Variants in MAML3 observed in about 807,000 individuals in gnomAD.
MAML3 encodes mastermind like transcriptional coactivator 3.
A neutral mutation model predicts 101.9 loss-of-function variants in MAML3; 27 were observed. The ratio of observed to expected loss-of-function variants is 0.27; its 90% CI spans 0.20 to 0.37. The LOEUF is 0.37. Ranked by LOEUF, MAML3 falls within the 10% of genes least tolerant of loss-of-function variation. The pLI, the probability that MAML3 is intolerant of heterozygous loss-of-function variation, is 1.00. For synonymous variants in MAML3, 501 were observed against 555.9 expected (o/e 0.90, Z 1.39); for missense variants, 1,316 against 1,444.9 (o/e 0.91, Z 1.45).
At chr4:139,920,927 A>G (rs2111234123) in intron 1 of MAML3, among the ~76,000 whole-genome samples, 1 of 152,324 alleles carries the variant, frequency 6.6e-6, no homozygotes, top group East Asian at 1.9e-4. Flanking sequence ...AGGCCCTTGC[A>G]CACCACCTTC....
intron 1 of MAML3, among the ~76,000 whole-genome samples, chr4:140,123,377 A>G (rs1728639140): frequency 6.6e-6 from 1 of 152,220 alleles, no homozygotes; most frequent in Non-Finnish European, 1.5e-5. Context: ...CCCCAACTTC[A>G]TAGTACATGT....
intron 1 of MAML3, among the ~76,000 whole-genome samples, chr4:140,130,341 A>AC (rs1175271765): frequency 6.6e-6 from 1 of 152,074 alleles, no homozygotes; most frequent in Non-Finnish European, 1.5e-5. Context: ...CCATTTTCTC[A>AC]CCCCCATAAT....
At chr4:139,840,012 A>G (rs1335107197) in intron 2 of MAML3, among the ~76,000 whole-genome samples, 1 of 152,184 alleles carries the variant, frequency 6.6e-6, no homozygotes, top group Non-Finnish European at 1.5e-5. Flanking sequence ...AGGGGTCAAA[A>G]GCCCCCCAAA....
chr4:140,149,772 T>C (rs1729124633), intron 1 of MAML3, among the ~76,000 whole-genome samples: 2 of 152,314 alleles, frequency 1.3e-5, no homozygotes, highest in Middle Eastern at 3.4e-3. Flanking sequence ...GGAGTACAAC[T>C]ATAATCCTGC....
At chr4:139,978,757 T>C (rs1356060237) in intron 1 of MAML3, among the ~76,000 whole-genome samples, 1 of 151,998 alleles carries the variant, frequency 6.6e-6, no homozygotes, top group Non-Finnish European at 1.5e-5. Flanking sequence ...TCTTGGTGTC[T>C]CTCTTTGGCC....
At chr4:139,765,713 T>A (rs534950172) in intron 2 of MAML3, among the ~76,000 whole-genome samples, 1 of 152,290 alleles carries the variant, frequency 6.6e-6, no homozygotes, top group South Asian at 2.1e-4. Flanking sequence ...ATTGGCCAGG[T>A]GTGGTGGCTC....
chr4:140,019,575 G>A (rs1208515843), intron 1 of MAML3, among the ~76,000 whole-genome samples: 3 of 152,128 alleles, frequency 2.0e-5, no homozygotes, highest in Admixed American at 6.5e-5. Flanking sequence ...TTATGAACAC[G>A]GCCAACAACA....
chr4:139,723,422 T>C (rs1178781348), intron 4 of MAML3, among the ~76,000 whole-genome samples: 1 of 152,220 alleles, frequency 6.6e-6, no homozygotes, highest in East Asian at 1.9e-4. Flanking sequence ...GCAATTCTCC[T>C]GCCCCAGCCT....
intron 2 of MAML3, among the ~76,000 whole-genome samples, chr4:139,826,587 A>G (rs1360999973): frequency 6.6e-6 from 1 of 152,172 alleles, no homozygotes; most frequent in Non-Finnish European, 1.5e-5. Context: ...ACATATTTCG[A>G]ATGCTCTTCC....
At chr4:139,772,032 G>A (rs1489727851) in intron 2 of MAML3, among the ~76,000 whole-genome samples, 1 of 151,352 alleles carries the variant, frequency 6.6e-6, no homozygotes, top group South Asian at 2.1e-4. Flanking sequence ...GAGGTCAGCA[G>A]ATCCAGACCA....
chr4:139,803,494 C>T (rs545239281), intron 2 of MAML3, among the ~76,000 whole-genome samples: 3 of 152,158 alleles, frequency 2.0e-5, no homozygotes, highest in African/African-American at 4.8e-5. Flanking sequence ...TGTCAGCAGG[C>T]GTTTGGGAGA....
chr4:140,040,442 C>T (rs1439840346), intron 1 of MAML3, among the ~76,000 whole-genome samples: 1 of 152,206 alleles, frequency 6.6e-6, no homozygotes, highest in East Asian at 1.9e-4. Flanking sequence ...ACAAGGGTCC[C>T]TCCCACCTGA....
chr4:139,966,939 C>T (rs1430376724), intron 1 of MAML3, among the ~76,000 whole-genome samples: 1 of 151,996 alleles, frequency 6.6e-6, no homozygotes, highest in Admixed American at 6.6e-5. Flanking sequence ...AAAAAAGAGA[C>T]ATGAAGAATA....
intron 1 of MAML3, among the ~76,000 whole-genome samples, chr4:139,925,555 A>G (rs1398621675): frequency 6.6e-6 from 1 of 152,140 alleles, no homozygotes; most frequent in African/African-American, 2.4e-5. Context: ...TTGATAAGAT[A>G]AAGTGGCCAA....
At chr4:139,853,929 C>T (rs921281074) in intron 2 of MAML3, among the ~76,000 whole-genome samples, 2 of 151,974 alleles carry the variant, frequency 1.3e-5, no homozygotes, top group South Asian at 4.1e-4. Flanking sequence ...TCAAGCGATT[C>T]TCTTGCCTCA....
At chr4:139,906,875 A>ATT (rs146366681) in intron 1 of MAML3, among the ~76,000 whole-genome samples, 40,033 of 149,376 alleles carry the variant, frequency 0.27, 6,500 homozygotes, top group East Asian at 0.57. Flanking sequence ...TTCAGAAGCA[A>ATT]TTTTTTTTTT....
At chr4:139,892,874 T>G (rs1322800832) in intron 1 of MAML3, among the ~76,000 whole-genome samples, 2 of 141,652 alleles carry the variant, frequency 1.4e-5, no homozygotes, top group East Asian at 4.1e-4. Flanking sequence ...GAGCTTGCAG[T>G]GAGCCGAGAT....
chr4:139,814,676 A>G lies in MAML3; in HGVS notation c.2079+74681T>C, dbSNP rs557128881. Among the ~76,000 whole-genome samples, 24 of 152,224 alleles carry G rather than the reference A, an allele frequency of 1.6e-4. No individual in the cohort carries two copies. The East Asian group carries it at 3.5e-3, about 22-fold the overall frequency. On this transcript the variant is annotated intron_variant, in intron 2 of 4. Transcript: ENST00000509479. ...GAAAGGTGGGTAACACCCTCCCCCCACCACCAAGACTTGGTAGGCAATGCT... is the reference window on the plus strand; with the variant it reads ...GAAAGGTGGGTAACACCCTCCCCCCGCCACCAAGACTTGGTAGGCAATGCT...
At position 139,811,504 on chromosome 4, in the gene MAML3, G is replaced by A. The variant is rs542049503; in HGVS notation, c.2079+77853C>T. ...GGTGAACCAGGGAAACCTGACTTAG[G>A]TTTCCTGGGATAGTTCTAGAATCAC... On this transcript the variant is annotated intron_variant, in intron 2 of 4. Transcript: ENST00000509479. Among the ~76,000 whole-genome samples the A allele has an allele frequency of 1.3e-4, 20 of 152,300 alleles. No individual in the cohort carries two copies. In the South Asian group the frequency reaches 3.9e-3, roughly 30 times the overall value.
Sources: gnomAD v4.1 joint callset for allele counts (sites outside exome capture counted in the v4.1 genomes callset) on GRCh38, gnomAD v4.1.1 for gene constraint, MANE v1.5 for transcripts, NCBI Gene and HGNC (gene_info 2026-07-23, HGNC 2026-07-21) for gene names.